The following NAV2 variants were observed in gnomAD, a reference collection of about 807,000 sequenced individuals.
NAV2 encodes helicase, APC down-regulated 1.
NAV2 carries 54 observed loss-of-function variants against 223.2 expected under a neutral mutation model. The ratio of observed to expected loss-of-function variants is 0.24; its 90% CI spans 0.19 to 0.30. NAV2 has a LOEUF of 0.30. Ranked by LOEUF, NAV2 falls within the 10% of genes least tolerant of loss-of-function variation. NAV2 has a pLI of 1.00. For synonymous variants in NAV2, 1,279 were observed against 1,239.3 expected (o/e 1.03, Z -0.67); for missense variants, 2,806 against 3,147.5 (o/e 0.89, Z 2.60).
chr11:20,085,481 G>T (rs2060378269), intron 26 of NAV2, among the ~76,000 whole-genome samples: 1 of 152,202 alleles, frequency 6.6e-6, no homozygotes, highest in African/African-American at 2.4e-5. Flanking sequence ...GAGTACCTTG[G>T]CAGCAACTTT....
chr11:20,002,387 C>T (rs2052633843), intron 11 of NAV2, among the ~76,000 whole-genome samples: 1 of 152,118 alleles, frequency 6.6e-6, no homozygotes. Flanking sequence ...CTCTCTCTAT[C>T]TCAGAGATCA....
chr11:19,653,560 C>T (rs2048032602), intron 1 of NAV2, among the ~76,000 whole-genome samples: 2 of 152,162 alleles, frequency 1.3e-5, no homozygotes, highest in East Asian at 3.9e-4. Flanking sequence ...CAGAGACTGG[C>T]ATCAAAACCT....
intron 1 of NAV2, chr11:19,380,531 A>G (rs1005984488): frequency 4.6e-5 from 7 of 152,280 alleles, no homozygotes; most frequent in African/African-American, 1.7e-4. Context: ...GGGATCTTCC[A>G]TGACATTCTC....
At chr11:19,387,463 G>A (rs1849087309) in intron 1 of NAV2, among the ~76,000 whole-genome samples, 1 of 152,304 alleles carries the variant, frequency 6.6e-6, no homozygotes, top group East Asian at 1.9e-4. Flanking sequence ...TGGTGCACGA[G>A]AGAAGATGCT....
At chr11:19,926,723 G>A (rs1426388474) in intron 6 of NAV2, among the ~76,000 whole-genome samples, 1 of 151,976 alleles carries the variant, frequency 6.6e-6, no homozygotes, top group East Asian at 1.9e-4. Flanking sequence ...ACAAATTTTA[G>A]GAAATTGCAG....
At chr11:20,103,013 A>G (rs945724172) in intron 32 of NAV2, among the ~76,000 whole-genome samples, 4 of 152,066 alleles carry the variant, frequency 2.6e-5, no homozygotes, top group African/African-American at 4.8e-5. Context: ...CAAGGTTTCC[A>G]CTCATCAGGT....
chr11:19,393,540 G>T (rs993826413), intron 1 of NAV2, among the ~76,000 whole-genome samples: 28 of 152,194 alleles, frequency 1.8e-4, no homozygotes, highest in African/African-American at 6.8e-4. Flanking sequence ...TCTGTACTAT[G>T]AAATTATATG....
intron 1 of NAV2, among the ~76,000 whole-genome samples, chr11:19,687,183 C>T (rs1170403109): frequency 6.6e-6 from 1 of 152,164 alleles, no homozygotes; most frequent in Non-Finnish European, 1.5e-5. Flanking sequence ...CTCCCTGGAA[C>T]AGGGAGACAG....
At chr11:19,348,499 G>A (rs147645979), upstream of NAV2, among the ~76,000 whole-genome samples, 44 of 152,234 alleles carry the variant, frequency 2.9e-4, no homozygotes, top group African/African-American at 8.4e-4. Flanking sequence ...ACACTTCCTC[G>A]CTGTGTAACT....
chr11:19,848,917 G>A (rs141787002), intron 3 of NAV2, among the ~76,000 whole-genome samples: 11 of 152,222 alleles, frequency 7.2e-5, no homozygotes, highest in South Asian at 4.2e-4. Context: ...GGTCAGTCTC[G>A]CTCAGTCCCA....
chr11:19,889,054 G>A (rs2041268410), intron 5 of NAV2, among the ~76,000 whole-genome samples: 1 of 152,164 alleles, frequency 6.6e-6, no homozygotes, highest in Non-Finnish European at 1.5e-5. Flanking sequence ...GGCCTCCCAG[G>A]TTTGCTTGGG....
At chr11:19,884,583 T>A (rs1304664964) in intron 5 of NAV2, among the ~76,000 whole-genome samples, 1 of 152,166 alleles carries the variant, frequency 6.6e-6, no homozygotes, top group Non-Finnish European at 1.5e-5. Flanking sequence ...AGAGTGCAAG[T>A]GAGATTGAGG....
At chr11:20,114,930 G>C (rs1335001010) in intron 37 of NAV2, 135 bp downstream of exon 37, 5 of 825,822 alleles carry the variant, frequency 6.1e-6, no homozygotes, top group Non-Finnish European at 7.4e-6. Flanking sequence ...AAATGACTGG[G>C]CCATTTTTGC....
intron 1 of NAV2, among the ~76,000 whole-genome samples, chr11:19,810,952 C>T (rs1318210902): frequency 6.6e-6 from 1 of 152,148 alleles, no homozygotes; most frequent in Admixed American, 6.5e-5. Flanking sequence ...CTGTCAACTC[C>T]CTCAAGACAA....
intron 1 of NAV2, among the ~76,000 whole-genome samples, chr11:19,809,691 C>T (rs2058752761): frequency 6.6e-6 from 1 of 152,224 alleles, no homozygotes; most frequent in Non-Finnish European, 1.5e-5. Flanking sequence ...TTAGACTTCT[C>T]TGGGCTTGAC....
intron 6 of NAV2, among the ~76,000 whole-genome samples, chr11:19,901,129 TGAG>T (rs2042413076): frequency 6.6e-6 from 1 of 152,216 alleles, no homozygotes; most frequent in East Asian, 1.9e-4. Flanking sequence ...CATTACAAAC[TGAG>T]TCCTTCTAAT....
intron 1 of NAV2, among the ~76,000 whole-genome samples, chr11:19,651,380 G>C (rs2047964278): frequency 6.6e-6 from 1 of 152,176 alleles, no homozygotes; most frequent in Non-Finnish European, 1.5e-5. Context: ...ACTTCCCTTG[G>C]GACAGAGGCA....
intron 1 of NAV2, among the ~76,000 whole-genome samples, chr11:19,820,449 AG>A (rs1406409212): frequency 6.6e-6 from 1 of 152,210 alleles, no homozygotes; most frequent in Non-Finnish European, 1.5e-5. Flanking sequence ...CTGGGTTCTA[AG>A]GTTGGAGAGA....
intron 1 of NAV2, among the ~76,000 whole-genome samples, chr11:19,656,388 C>G (rs2048126872): frequency 6.6e-6 from 1 of 152,146 alleles, no homozygotes; most frequent in South Asian, 2.1e-4. Context: ...ATGCAGAGCC[C>G]CTGAGGCTGG....
Sources: gnomAD v4.1 joint callset for allele counts (sites outside exome capture counted in the v4.1 genomes callset) on GRCh38, gnomAD v4.1.1 for gene constraint, MANE v1.5 for transcripts, NCBI Gene and HGNC (gene_info 2026-07-23, HGNC 2026-07-21) for gene names.